The following DIAPH2 variants were observed in gnomAD, a reference collection of about 807,000 sequenced individuals.
The protein encoded by DIAPH2 is diaphanous related formin 2, also known as protein diaphanous homolog 2.
A neutral mutation model predicts 92.7 loss-of-function variants in DIAPH2; 35 were observed. The ratio of observed to expected loss-of-function variants is 0.38; its 90% CI spans 0.29 to 0.50. DIAPH2 has a LOEUF of 0.50. DIAPH2 is among the 20% of genes least tolerant of loss of function. DIAPH2 has a pLI of 0.94. For missense variants in DIAPH2, 701 were observed against 819.5 expected, an observed-to-expected ratio of 0.86 and a Z score of 1.77; for synonymous variants, 301 against 280.4, an observed-to-expected ratio of 1.07 and a Z score of -0.73.
intron 17 of DIAPH2, among the ~76,000 whole-genome samples, chrX:96,980,184 C>T (rs925163470): frequency 9.0e-6 from 1 of 111,579 alleles, no homozygotes; most frequent in Non-Finnish European, 1.9e-5. Context: ...GAACTCTTGT[C>T]TGGCATCCAG....
chrX:97,465,538 A>G (rs958741637), intron 26 of DIAPH2, among the ~76,000 whole-genome samples: 2 of 111,726 alleles, frequency 1.8e-5, no homozygotes, highest in African/African-American at 6.5e-5. Context: ...GAGGATGTAC[A>G]TAGGTGATAT....
At chrX:97,247,414 T>A (rs915394995) in intron 22 of DIAPH2, among the ~76,000 whole-genome samples, 2 of 111,953 alleles carry the variant, frequency 1.8e-5, no homozygotes, top group South Asian at 7.5e-4. Context: ...TTTTAAAGAA[T>A]GAAATGTTAG....
intron 22 of DIAPH2, among the ~76,000 whole-genome samples, chrX:97,231,935 G>A (rs1417339510): frequency 3.9e-5 from 3 of 76,605 alleles, no homozygotes; most frequent in Admixed American, 3.1e-4. Context: ...TGTTTATTTA[G>A]TTAAAAAAAA....
intron 17 of DIAPH2, among the ~76,000 whole-genome samples, chrX:96,969,506 G>A (rs766579250): frequency 5.6e-5 from 6 of 107,258 alleles, no homozygotes; most frequent in Non-Finnish European, 9.6e-5. Context: ...TATTGTAAAT[G>A]ATATTGTGTT....
chrX:97,405,612 T>C (rs766870859), intron 25 of DIAPH2, among the ~76,000 whole-genome samples: 15 of 112,035 alleles, frequency 1.3e-4, no homozygotes, highest in African/African-American at 4.9e-4. Context: ...ATTTTCATTG[T>C]CATAACCTGC....
At chrX:96,846,634 G>A (rs2064974276) in intron 4 of DIAPH2, among the ~76,000 whole-genome samples, 1 of 111,909 alleles carries the variant, frequency 8.9e-6, no homozygotes, top group Admixed American at 9.5e-5. Flanking sequence ...CATGTCTTGA[G>A]TATTATAATT....
At chrX:97,561,487 A>G (rs2071293896) in intron 26 of DIAPH2, among the ~76,000 whole-genome samples, 1 of 112,120 alleles carries the variant, frequency 8.9e-6, no homozygotes, top group South Asian at 3.7e-4. Context: ...CCATTTTGAC[A>G]CCTCTTGAAA....
intron 5 of DIAPH2, among the ~76,000 whole-genome samples, chrX:96,891,807 C>A (rs73250761): frequency 0.011 from 1,232 of 111,757 alleles, 10 homozygotes; most frequent in Middle Eastern, 0.032. Context: ...CACTTATCTG[C>A]CAAACTCATG....
chrX:96,923,078 C>T (rs1052370158), intron 9 of DIAPH2, among the ~76,000 whole-genome samples: 1 of 110,934 alleles, frequency 9.0e-6, no homozygotes, highest in African/African-American at 3.3e-5. Flanking sequence ...GGTAGGAAAA[C>T]CTAAGGTATA....
intron 21 of DIAPH2, among the ~76,000 whole-genome samples, chrX:97,137,647 C>G (rs141042929): frequency 0.01 from 1,109 of 110,271 alleles, 17 homozygotes; most frequent in African/African-American, 0.034. Flanking sequence ...AAAGGAAGGG[C>G]GTCCACACAG....
intron 4 of DIAPH2, among the ~76,000 whole-genome samples, chrX:96,837,402 TCC>T (rs1353253300): frequency 8.1e-5 from 4 of 49,578 alleles, no homozygotes; most frequent in African/African-American, 1.0e-4. Context: ...CCTTCCTCCC[TCC>T]CTCTCTCTCT....
At chrX:96,810,200 G>C (rs1275185948) in intron 4 of DIAPH2, among the ~76,000 whole-genome samples, 1 of 111,967 alleles carries the variant, frequency 8.9e-6, no homozygotes, top group South Asian at 3.7e-4. Flanking sequence ...ACTTTTTAAT[G>C]ATTGCCGTTC....
At chrX:97,488,047 G>A (rs1036846806) in intron 26 of DIAPH2, among the ~76,000 whole-genome samples, 1 of 112,334 alleles carries the variant, frequency 8.9e-6, no homozygotes, top group East Asian at 2.8e-4. Context: ...AAGCTGGAGT[G>A]CAATGGCACA....
chrX:97,059,216 A>G (rs1569291101), intron 17 of DIAPH2, among the ~76,000 whole-genome samples: 1 of 112,020 alleles, frequency 8.9e-6, no homozygotes, highest in African/African-American at 3.2e-5. Flanking sequence ...CAGTGTACAC[A>G]ATAGCTCATG....
chrX:96,869,589 C>CTACTACTACTACTAA (rs764240380), intron 4 of DIAPH2, among the ~76,000 whole-genome samples: 1 of 107,603 alleles, frequency 9.3e-6, no homozygotes, highest in African/African-American at 3.5e-5. Flanking sequence ...ACTACTACTA[C>CTACTACTACTACTAA]TACTAATACT....
At chrX:96,845,777 A>G (rs1258022992) in intron 4 of DIAPH2, among the ~76,000 whole-genome samples, 2 of 111,399 alleles carry the variant, frequency 1.8e-5, no homozygotes, top group Non-Finnish European at 3.8e-5. Flanking sequence ...TTTATAGTTG[A>G]GTGTGAATTT....
intron 26 of DIAPH2, among the ~76,000 whole-genome samples, chrX:97,511,881 CT>C (rs1266278997): frequency 9.0e-6 from 1 of 111,332 alleles, no homozygotes; most frequent in African/African-American, 3.3e-5. Context: ...GGTGGATAAG[CT>C]TTTTGATGTG....
At chrX:97,454,966 C>T (rs2070391382) in intron 26 of DIAPH2, among the ~76,000 whole-genome samples, 1 of 112,320 alleles carries the variant, frequency 8.9e-6, no homozygotes, top group African/African-American at 3.2e-5. Context: ...ATATGCCCTA[C>T]AGACCTTGTA....
intron 24 of DIAPH2, among the ~76,000 whole-genome samples, chrX:97,382,829 A>G (rs2069563399): frequency 8.9e-6 from 1 of 112,446 alleles, no homozygotes; most frequent in African/African-American, 3.2e-5. Context: ...CATAAAGAAA[A>G]AAATTATTTC....
Sources: allele counts gnomAD v4.1 joint callset (sites outside exome capture counted in the v4.1 genomes callset), GRCh38; gene constraint gnomAD v4.1.1; transcripts MANE v1.5; gene names NCBI Gene and HGNC (gene_info 2026-07-23, HGNC 2026-07-21).